ADAM18: variants seen among roughly 807,000 people sequenced by gnomAD.
ADAM18 encodes the protein ADAM metallopeptidase domain 18.
In ADAM18, 117 loss-of-function variants were observed where a neutral mutation model predicts 94.4. The observed-to-expected ratio is 1.24, with a 90% confidence interval of 1.07 to 1.45. The LOEUF (loss-of-function observed/expected upper bound fraction) is 1.45. Ranked by LOEUF, ADAM18 falls within the 40% of genes most tolerant of loss-of-function variation. The pLI is 0.00. For missense variants in ADAM18, 936 were observed against 880.0 expected (o/e 1.06, Z -0.81); for synonymous variants, 327 against 291.6 (o/e 1.12, Z -1.24).
At chr8:39,645,801 A>C (rs1820360296) in intron 11 of ADAM18, among the ~76,000 whole-genome samples, 1 of 152,030 alleles carries the variant, frequency 6.6e-6, no homozygotes, top group Non-Finnish European at 1.5e-5. Context: ...AATATTTTTA[A>C]TTTTCAGTTG....
intron 17 of ADAM18, among the ~76,000 whole-genome samples, chr8:39,701,005 C>T (rs970076728): frequency 2.7e-5 from 4 of 146,652 alleles, no homozygotes; most frequent in Admixed American, 2.1e-4. Flanking sequence ...GTAGTCCCAG[C>T]TACTTGGGAG....
rs144671216 is a variant in ADAM18, at chr8:39,627,759, T to C, written c.523-1615T>C. ...TGAGATACTGTTCCAGTCATGCTGA[T>C]TGTCACAAAGATACTTTGTATTCTT... is the stretch of plus-strand genomic sequence containing the variant. On this transcript the variant is annotated intron_variant, in intron 6 of 19. Transcript: ENST00000265707. 7.1e-3 allele frequency among the ~76,000 whole-genome samples: 1,082 copies of C among 152,228 alleles called. 13 individuals are homozygous for C. The highest frequency in any genetic ancestry group is 0.025 in the African/African-American group (1,024 of 41,550).
rs375244118 is a variant in ADAM18, at chr8:39,729,969, C to T, written c.*29C>T. ...TGCACAGAACTTCCATAGCAAATAA[C>T]CTAAAGGAACGAATGTGCTTTATTT... On this transcript the variant is annotated 3_prime_UTR_variant, in exon 20 of 20. Transcript: ENST00000265707. The T allele has an allele frequency of 1.9e-5, 31 of 1,593,562 alleles. No homozygotes were observed. The highest frequency in any genetic ancestry group is 2.6e-5 in the Non-Finnish European group (30 of 1,161,660).
chr8:39,603,669 A>G (rs1316704270), intron 2 of ADAM18, among the ~76,000 whole-genome samples: 1 of 152,222 alleles, frequency 6.6e-6, no homozygotes, highest in Non-Finnish European at 1.5e-5. Flanking sequence ...TCTCTGAGGT[A>G]AGCCTATATT....
chr8:39,714,296 G>T (rs1822506635), intron 18 of ADAM18, among the ~76,000 whole-genome samples: 2 of 152,072 alleles, frequency 1.3e-5, no homozygotes, highest in South Asian at 2.1e-4. Flanking sequence ...TTGGGAGATG[G>T]GGGACTGGGT....
intron 6 of ADAM18, among the ~76,000 whole-genome samples, chr8:39,628,307 C>T (rs1044668296): frequency 6.6e-6 from 1 of 151,326 alleles, no homozygotes; most frequent in Admixed American, 6.6e-5. Flanking sequence ...TTGCAGTATA[C>T]ATGTATACAC....
chr8:39,619,663 CTATT>C (rs1486175188), intron 6 of ADAM18, among the ~76,000 whole-genome samples: 1 of 151,818 alleles, frequency 6.6e-6, no homozygotes, highest in African/African-American at 2.4e-5. Context: ...AATGAAATAA[CTATT>C]AGTAAGTTTT....
chr8:39,670,097 G>C (rs1821112849), intron 14 of ADAM18, among the ~76,000 whole-genome samples: 1 of 152,040 alleles, frequency 6.6e-6, no homozygotes, highest in African/African-American at 2.4e-5. Context: ...GTGTTTTTTG[G>C]CTGCATAAAT....
chr8:39,683,641 T>G (rs1424225420), intron 16 of ADAM18, among the ~76,000 whole-genome samples: 1 of 152,240 alleles, frequency 6.6e-6, no homozygotes, highest in Non-Finnish European at 1.5e-5. Context: ...ATATTTGCAT[T>G]CTTTAATGGT....
chr8:39,633,119 C>T (rs1819978813), intron 7 of ADAM18, among the ~76,000 whole-genome samples: 1 of 152,102 alleles, frequency 6.6e-6, no homozygotes, highest in Admixed American at 6.6e-5. Flanking sequence ...TTTGTGGAGC[C>T]TTGATGTGAG....
intron 7 of ADAM18, among the ~76,000 whole-genome samples, chr8:39,633,282 T>C (rs566978805): frequency 5.3e-4 from 81 of 152,252 alleles, no homozygotes; most frequent in South Asian, 1.5e-3. Context: ...AATGTGGAAA[T>C]AGTTTTGGTA....
In ADAM18 at chr8:39,717,514, C is replaced by A. The variant is rs139448437; in HGVS notation, c.2018-6234C>A. Among the ~76,000 whole-genome samples the A allele has an allele frequency of 7.3e-3, 1,103 of 151,798 alleles. 10 individuals are homozygous for A. The highest frequency in any genetic ancestry group is 0.024 in the African/African-American group (1,003 of 41,490). ...TCTAGAATTTTTTGGTAAGGTAAAT[C>A]TATTGGTGATGGATTCCCTTAATTT... On this transcript the variant is annotated intron_variant, in intron 18 of 19. Coordinates refer to ENST00000265707, the MANE Select transcript of ADAM18 (RefSeq NM_014237.3).
At chr8:39,650,129 A>C (rs1039313979) in intron 12 of ADAM18, among the ~76,000 whole-genome samples, 1 of 152,226 alleles carries the variant, frequency 6.6e-6, no homozygotes, top group Non-Finnish European at 1.5e-5. Context: ...AATGAAAACC[A>C]AGACATTTCA....
At chr8:39,703,372 G>A (rs1187191670) in intron 17 of ADAM18, among the ~76,000 whole-genome samples, 1 of 152,100 alleles carries the variant, frequency 6.6e-6, no homozygotes, top group Non-Finnish European at 1.5e-5. Context: ...AGCTTAAGAA[G>A]CTTTGAGGCT....
intron 14 of ADAM18, 145 bp from the exon 15 acceptor site, chr8:39,677,286 C>T (rs1821325436): frequency 3.4e-6 from 2 of 583,470 alleles, no homozygotes; most frequent in Non-Finnish European, 3.0e-6. Flanking sequence ...TTTCTTTCTA[C>T]TTGCATTGAC....
intron 12 of ADAM18, among the ~76,000 whole-genome samples, chr8:39,652,385 C>T (rs1028313169): frequency 9.2e-5 from 14 of 152,150 alleles, no homozygotes; most frequent in African/African-American, 2.2e-4. Flanking sequence ...GGGCAAAGGA[C>T]CTGAATAGAC....
At chr8:39,609,780 G>C (rs1819209750) in intron 5 of ADAM18, among the ~76,000 whole-genome samples, 1 of 152,154 alleles carries the variant, frequency 6.6e-6, no homozygotes, top group African/African-American at 2.4e-5. Context: ...AAATGGAATA[G>C]TTTCATGGAA....
At chr8:39,727,267 T>C (rs1471128534) in intron 19 of ADAM18, among the ~76,000 whole-genome samples, 1 of 152,226 alleles carries the variant, frequency 6.6e-6, no homozygotes, top group Non-Finnish European at 1.5e-5. Flanking sequence ...TTAATATCTC[T>C]AGCAAGTGGT....
intron 2 of ADAM18, 40 bp downstream of exon 2, chr8:39,585,392 A>G (rs1316646860): frequency 2.1e-6 from 3 of 1,455,886 alleles, no homozygotes; most frequent in Admixed American, 3.7e-5. Flanking sequence ...TTAAAGCTTT[A>G]TGGCAATTTT....
Sources: gnomAD v4.1 joint callset for allele counts (sites outside exome capture counted in the v4.1 genomes callset) on GRCh38, gnomAD v4.1.1 for gene constraint, MANE v1.5 for transcripts, NCBI Gene and HGNC (gene_info 2026-07-23, HGNC 2026-07-21) for gene names.